RTN4: variants seen among roughly 807,000 people sequenced by gnomAD.
RTN4 encodes the protein reticulon-4.
Under a neutral mutation model 90.4 loss-of-function variants are expected in RTN4, and 32 were observed. That is an observed-to-expected ratio of 0.35 (90% confidence interval 0.27 to 0.48). The LOEUF (loss-of-function observed/expected upper bound fraction) is 0.48, where lower values mean the gene tolerates loss of function less well. Among genes scored for constraint, RTN4 ranks in the 20% least tolerant of loss-of-function variants. RTN4 has a pLI of 0.99. For missense variants in RTN4, 1,706 were observed against 1,430.2 expected, an observed-to-expected ratio of 1.19 and a Z score of -3.11; for synonymous variants, 629 against 552.5, an observed-to-expected ratio of 1.14 and a Z score of -1.94.
At chr2:55,114,275 A>G (rs1164587825), upstream of RTN4, among the ~76,000 whole-genome samples, 1 of 152,060 alleles carries the variant, frequency 6.6e-6, no homozygotes, top group African/African-American at 2.4e-5. Flanking sequence ...CTCTTTTGTG[A>G]ATTAGTCTGC....
At chr2:55,122,794 C>A in the RTN4 span, among the ~76,000 whole-genome samples, 2 of 152,348 alleles carry the variant, frequency 1.3e-5, no homozygotes, top group Non-Finnish European at 2.9e-5. Flanking sequence ...GGGAGACCTG[C>A]ACACACACCC....
intron 1 of RTN4, among the ~76,000 whole-genome samples, chr2:55,041,788 A>T (rs1391754678): frequency 1.3e-5 from 2 of 152,192 alleles, no homozygotes; most frequent in African/African-American, 4.8e-5. Context: ...AATTTTTATG[A>T]TCCTCAAGAA....
At chr2:54,977,406 G>GTTTTT (rs34777052) in intron 5 of RTN4, among the ~76,000 whole-genome samples, 2 of 146,102 alleles carry the variant, frequency 1.4e-5, no homozygotes, top group Non-Finnish European at 3.0e-5. Flanking sequence ...AGCTCAGGCC[G>GTTTTT]TTTTTTTTTT....
chr2:54,997,406 T>C (rs982287413), intron 3 of RTN4, among the ~76,000 whole-genome samples: 2 of 152,212 alleles, frequency 1.3e-5, no homozygotes, highest in African/African-American at 4.8e-5. Context: ...AGATTGCTGA[T>C]GGGAATGTAA....
At position 54,982,667 on chromosome 2, in the gene RTN4, C is replaced by T. The variant is rs1175324914; in HGVS notation, c.3222-14G>A. On this transcript the variant is annotated splice_polypyrimidine_tract_variant and intron_variant, in intron 4 of 8. Transcript: ENST00000337526. ...TCCAGATATGCCCTAGAAAACAAAA[C>T]ACATCATAATTGTCACTAATTGGAG... is the stretch of plus-strand genomic sequence containing the variant. 3 of 1,597,296 alleles carry T rather than the reference C, an allele frequency of 1.9e-6. No homozygotes were observed. Among genetic ancestry groups the T allele is most frequent in the Admixed American group, 1.8e-5 (1 of 56,502 alleles).
At chr2:54,999,052 G>T (rs879403355) in intron 3 of RTN4, among the ~76,000 whole-genome samples, 1 of 152,030 alleles carries the variant, frequency 6.6e-6, no homozygotes, top group Non-Finnish European at 1.5e-5. Context: ...AACTTTGGGG[G>T]AATGCTTATG....
chr2:54,984,084 T>C (rs1678359011), intron 4 of RTN4, among the ~76,000 whole-genome samples: 2 of 152,228 alleles, frequency 1.3e-5, no homozygotes, highest in African/African-American at 4.8e-5. Context: ...TCTGCAATGC[T>C]CTCTTACCTC....
chr2:55,009,969 T>A (rs938525659), intron 3 of RTN4: 4 of 1,147,730 alleles, frequency 3.5e-6, no homozygotes, highest in African/African-American at 1.6e-5. Flanking sequence ...TCCTTTAGAC[T>A]TCAACTCTTC....
chr2:55,009,980 A>G, intron 3 of RTN4: 1 of 1,277,568 alleles, frequency 7.8e-7, no homozygotes, highest in Non-Finnish European at 1.1e-6. Flanking sequence ...TCAACTCTTC[A>G]GAGGTTTCAC....
At chr2:55,023,975 A>G (rs1681633532) in intron 3 of RTN4, among the ~76,000 whole-genome samples, 1 of 152,174 alleles carries the variant, frequency 6.6e-6, no homozygotes, top group African/African-American at 2.4e-5. Flanking sequence ...TAAGCCCATG[A>G]CAGACACATA....
At chr2:54,978,287 G>A (rs1338156210) in intron 5 of RTN4, among the ~76,000 whole-genome samples, 4 of 152,110 alleles carry the variant, frequency 2.6e-5, no homozygotes, top group African/African-American at 9.6e-5. Context: ...AAAATTAGCT[G>A]GGCGTGGTGG....
chr2:54,987,051 C>T (rs149041406), intron 4 of RTN4, among the ~76,000 whole-genome samples: 10 of 151,824 alleles, frequency 6.6e-5, no homozygotes, highest in African/African-American at 2.4e-4. Context: ...CCTTAAGAAA[C>T]GAGAAGAAAC....
At chr2:55,045,268 T>C (rs1683345186) in intron 1 of RTN4, among the ~76,000 whole-genome samples, 2 of 152,230 alleles carry the variant, frequency 1.3e-5, no homozygotes, top group African/African-American at 4.8e-5. Flanking sequence ...ATTCTTTTCT[T>C]TGTCTTTACA....
intron 2 of RTN4, among the ~76,000 whole-genome samples, chr2:55,062,429 G>C (rs1668315276): frequency 6.6e-6 from 1 of 152,192 alleles, no homozygotes; most frequent in East Asian, 1.9e-4. Flanking sequence ...CGTGGGGTCA[G>C]AGCCCCACAG....
the RTN4 span, among the ~76,000 whole-genome samples, chr2:55,125,021 T>G: frequency 1.3e-5 from 2 of 152,164 alleles, no homozygotes; most frequent in African/African-American, 4.8e-5. Flanking sequence ...ATGCGGAAGA[T>G]TGAAAATGGA....
At position 55,027,129 on chromosome 2, in the gene RTN4, T is replaced by G; in HGVS notation, c.970A>C (p.Ile324Leu). The change falls in exon 3 of 9, where the codon ATC becomes CTC. Residue 324 changes from isoleucine to leucine, a missense_variant. By Grantham distance (5) the Ile-to-Leu change is conservative. Coordinates refer to ENST00000337526, the MANE Select transcript of RTN4 (RefSeq NM_020532.5). ...TCTTCTTCATCTTTATTTTTCACGA[T>G]TATTTCTTCCCTAGGATTTGCTACT... is the stretch of plus-strand genomic sequence containing the variant. ...VIVANPREEI[I>L]VKNKDEEEKL... The G allele has an allele frequency of 6.2e-7, 1 of 1,613,464 alleles. No homozygotes were observed. The highest frequency in any genetic ancestry group is 8.5e-7 in the Non-Finnish European group (1 of 1,179,752).
At chr2:55,034,971 G>C (rs1682575809) in intron 1 of RTN4, among the ~76,000 whole-genome samples, 1 of 152,084 alleles carries the variant, frequency 6.6e-6, no homozygotes, top group South Asian at 2.1e-4. Context: ...CCCTAGAACA[G>C]CCTCTTAAAA....
the RTN4 span, among the ~76,000 whole-genome samples, chr2:55,128,871 C>T: frequency 6.6e-6 from 1 of 151,812 alleles, no homozygotes; most frequent in Non-Finnish European, 1.5e-5. Context: ...CTTTGGAAGG[C>T]CGAGATGGGT....
chr2:55,086,799 C>T (rs1458333820), intron 1 of RTN4, among the ~76,000 whole-genome samples: 1 of 151,794 alleles, frequency 6.6e-6, no homozygotes, highest in African/African-American at 2.4e-5. Flanking sequence ...CACTGTCAAC[C>T]AATTTTGCCT....
Sources: gnomAD v4.1 joint callset for allele counts (sites outside exome capture counted in the v4.1 genomes callset) on GRCh38, gnomAD v4.1.1 for gene constraint, MANE v1.5 for transcripts, NCBI Gene and HGNC (gene_info 2026-07-23, HGNC 2026-07-21) for gene names.